Variants in BEND6 observed in about 807,000 individuals in gnomAD.
The protein encoded by BEND6 is BEN domain containing 6.
Under a neutral mutation model 31.8 loss-of-function variants are expected in BEND6, and 24 were observed. That is an observed-to-expected ratio of 0.75 (90% CI 0.55 to 1.06). BEND6 has a LOEUF of 1.06. Ranked by LOEUF, BEND6 falls within the 50% of genes least tolerant of loss-of-function variation. The pLI, the probability that BEND6 is intolerant of heterozygous loss-of-function variation, is 0.00. For synonymous variants in BEND6, 109 were observed against 114.6 expected (o/e 0.95, Z 0.31); for missense variants, 294 against 327.4 (o/e 0.90, Z 0.79).
chr6:57,014,902 C>G (rs1163524807), intron 3 of BEND6, among the ~76,000 whole-genome samples: 4 of 152,100 alleles, frequency 2.6e-5, no homozygotes, highest in Non-Finnish European at 4.4e-5. Flanking sequence ...CATTTAACTG[C>G]AATGACCAAA....
At chr6:57,022,250 A>G (rs563708963) in intron 6 of BEND6, among the ~76,000 whole-genome samples, 89 of 148,638 alleles carry the variant, frequency 6.0e-4, no homozygotes, top group African/African-American at 2.1e-3. Context: ...TAAAGCCATC[A>G]GGTACTGGGC....
chr6:56,992,234 G>A, intron 2 of BEND6, 144 bp from the exon 3 acceptor site: 1 of 870,574 alleles, frequency 1.1e-6, no homozygotes, highest in Non-Finnish European at 1.7e-6. Flanking sequence ...GCCTGCTGGA[G>A]GACAAAGCTG....
chr6:57,024,097 G>C (rs112297280), intron 6 of BEND6, among the ~76,000 whole-genome samples: 144 of 152,134 alleles, frequency 9.5e-4, no homozygotes, highest in African/African-American at 3.4e-3. Context: ...TTAGGTCTAC[G>C]GTTTAATTGC....
rs75460293 is a variant in BEND6 at position 56,970,558 on chromosome 6, G to A, written c.-100-11153G>A. Among the ~76,000 whole-genome samples, 1,139 of 152,218 alleles carry A rather than the reference G, an allele frequency of 7.5e-3. 43 individuals carry two copies. The highest frequency in any genetic ancestry group is 0.057 in the Admixed American group (873 of 15,288). ...AACTATTAGAGAATTAATAAGATGCGTTCTTTTAGTAAGTAAATAAATAAA... is the reference window on the plus strand; with the variant it reads ...AACTATTAGAGAATTAATAAGATGCATTCTTTTAGTAAGTAAATAAATAAA... On this transcript the variant is annotated intron_variant, in intron 1 of 6. Coordinates refer to ENST00000370746, the MANE Select transcript of BEND6 (RefSeq NM_152731.3).
chr6:56,991,914 G>A (rs1268628680), intron 2 of BEND6, among the ~76,000 whole-genome samples: 1 of 152,072 alleles, frequency 6.6e-6, no homozygotes, highest in African/African-American at 2.4e-5. Context: ...TTTGTAGCTG[G>A]CACATAGAAG....
At chr6:56,966,322 G>A (rs182213942) in intron 1 of BEND6, among the ~76,000 whole-genome samples, 119 of 152,192 alleles carry the variant, frequency 7.8e-4, no homozygotes, top group Middle Eastern at 3.4e-3. Flanking sequence ...GGCTGGTCTC[G>A]AACTCCTGAC....
intron 3 of BEND6, among the ~76,000 whole-genome samples, chr6:56,997,743 C>T (rs1053211042): frequency 3.7e-4 from 56 of 152,024 alleles, no homozygotes; most frequent in Non-Finnish European, 5.0e-4. Context: ...TTAGTAGAGA[C>T]GAGGTTTCAC....
chr6:56,961,165 T>C (rs1825273809), intron 1 of BEND6, among the ~76,000 whole-genome samples: 1 of 152,196 alleles, frequency 6.6e-6, no homozygotes, highest in Non-Finnish European at 1.5e-5. Flanking sequence ...ACATAGGTAC[T>C]GAGGCTTCTG....
intron 1 of BEND6, among the ~76,000 whole-genome samples, chr6:56,970,795 C>G: frequency 6.6e-6 from 1 of 152,088 alleles, no homozygotes; most frequent in East Asian, 1.9e-4. Context: ...TCTGATATGT[C>G]TATATCTGGT....
intron 3 of BEND6, among the ~76,000 whole-genome samples, chr6:56,999,710 C>CT (rs1342101233): frequency 2.1e-4 from 32 of 152,238 alleles, no homozygotes; most frequent in African/African-American, 7.7e-4. Context: ...AGCCCATTGA[C>CT]TGAGACCACA....
chr6:57,004,824 G>A (rs1827095388), intron 3 of BEND6: 1 of 750,826 alleles, frequency 1.3e-6, no homozygotes, highest in South Asian at 1.4e-5. Context: ...CTGAGCTCAG[G>A]ACTTGAGACC....
At chr6:56,974,743 A>G (rs1471227171) in intron 1 of BEND6, among the ~76,000 whole-genome samples, 1 of 152,168 alleles carries the variant, frequency 6.6e-6, no homozygotes, top group Non-Finnish European at 1.5e-5. Flanking sequence ...AAAATTATTT[A>G]TTTCTGCTCC....
chr6:56,992,328 C>T (rs775877935), intron 2 of BEND6, 50 bp from the exon 3 acceptor site: 4 of 1,529,888 alleles, frequency 2.6e-6, no homozygotes, highest in Non-Finnish European at 3.5e-6. Context: ...AGAGATAAAC[C>T]ATTAAAGATG....
At chr6:57,015,066 A>G (rs375335970) in intron 3 of BEND6, 67 bp from the exon 4 acceptor site, 12 of 1,390,576 alleles carry the variant, frequency 8.6e-6, no homozygotes, top group African/African-American at 4.3e-5. Flanking sequence ...CACTCAACAA[A>G]AAAATATGTA....
chr6:57,021,641 T>G (rs1040731464), intron 6 of BEND6, among the ~76,000 whole-genome samples: 3 of 152,206 alleles, frequency 2.0e-5, no homozygotes, highest in Non-Finnish European at 4.4e-5. Flanking sequence ...TACTTCTTTC[T>G]TGCAGGCATT....
intron 2 of BEND6, among the ~76,000 whole-genome samples, chr6:56,990,868 G>A (rs188751750): frequency 6.9e-4 from 105 of 152,270 alleles, no homozygotes; most frequent in African/African-American, 2.3e-3. Flanking sequence ...CCAAGCTCCA[G>A]CGTTTACTGG....
In BEND6 at chr6:56,986,560, C is replaced by G. The variant is rs958550282; in HGVS notation, c.120+4630C>G. On this transcript the variant is annotated intron_variant, in intron 2 of 6. Coordinates refer to ENST00000370746, the MANE Select transcript of BEND6 (RefSeq NM_152731.3). ...CTGATCTCATCTGGCTTTCAAGTCT[C>G]TATGCTTGATTGATAAGACAATAAA... Among the ~76,000 whole-genome samples, 4 of 152,104 alleles carry G rather than the reference C, an allele frequency of 2.6e-5. No individual in the cohort carries two copies. The East Asian group carries it at 7.7e-4, about 29-fold the overall frequency.
chr6:57,005,634 C>T (rs548218254), intron 3 of BEND6, among the ~76,000 whole-genome samples: 5 of 150,848 alleles, frequency 3.3e-5, no homozygotes, highest in African/African-American at 1.2e-4. Flanking sequence ...GAGCCGAGAT[C>T]GCCCCACTGC....
chr6:57,004,622 C>T, intron 3 of BEND6: 1 of 1,075,408 alleles, frequency 9.3e-7, no homozygotes, highest in Admixed American at 1.7e-5. Flanking sequence ...GGAGCTCTAC[C>T]CCTCCTACGT....
Sources: gnomAD v4.1 joint callset for allele counts (sites outside exome capture counted in the v4.1 genomes callset) on GRCh38, gnomAD v4.1.1 for gene constraint, MANE v1.5 for transcripts, NCBI Gene and HGNC (gene_info 2026-07-23, HGNC 2026-07-21) for gene names.